Variants in AP3B1 observed in about 807,000 individuals in gnomAD.
AP3B1 encodes the protein adaptor related protein complex 3 subunit beta 1, also known as AP-3 complex subunit beta-1.
AP3B1 carries 61 observed loss-of-function variants against 132.5 expected under a neutral mutation model. The ratio of observed to expected loss-of-function variants is 0.46; its 90% confidence interval spans 0.37 to 0.57. The LOEUF (loss-of-function observed/expected upper bound fraction) is 0.57, where lower values mean the gene tolerates loss of function less well. Among genes scored for constraint, AP3B1 ranks in the 20% least tolerant of loss-of-function variants. The probability of loss-of-function intolerance (pLI) is 0.00; values close to 1 mark genes in which losing one functional copy is unlikely to be tolerated. For synonymous variants in AP3B1, 388 were observed against 438.3 expected (o/e 0.89, Z 1.43); for missense variants, 1,120 against 1,289.4 (o/e 0.87, Z 2.01).
At chr5:78,197,936 C>A (rs921597721) in intron 7 of AP3B1, among the ~76,000 whole-genome samples, 1 of 152,058 alleles carries the variant, frequency 6.6e-6, no homozygotes, top group Non-Finnish European at 1.5e-5. Context: ...TGAGAACCAC[C>A]CCATGTGGTA....
chr5:78,260,436 G>C (rs1244810490), intron 2 of AP3B1, among the ~76,000 whole-genome samples: 1 of 151,828 alleles, frequency 6.6e-6, no homozygotes, highest in African/African-American at 2.4e-5. Context: ...TCGACTAAAA[G>C]TACAAAAATT....
At chr5:78,107,199 G>A (rs931893344) in intron 20 of AP3B1, among the ~76,000 whole-genome samples, 1 of 152,126 alleles carries the variant, frequency 6.6e-6, no homozygotes, top group Admixed American at 6.5e-5. Flanking sequence ...AAAAAAGTAA[G>A]AACAAAAGGG....
intron 22 of AP3B1, among the ~76,000 whole-genome samples, chr5:78,062,973 G>A (rs1468945186): frequency 6.6e-6 from 1 of 152,166 alleles, no homozygotes; most frequent in Non-Finnish European, 1.5e-5. Flanking sequence ...CAATTTCCCT[G>A]AAATGTCTCT....
chr5:78,082,501 CA>C (rs1318000323), intron 22 of AP3B1, among the ~76,000 whole-genome samples: 2 of 151,986 alleles, frequency 1.3e-5, no homozygotes, highest in African/African-American at 2.4e-5. Context: ...ATTTTCATAA[CA>C]AAAAAAGTGT....
At chr5:78,009,587 G>C (rs80130583) in intron 26 of AP3B1, among the ~76,000 whole-genome samples, 5,255 of 152,144 alleles carry the variant, frequency 0.035, 121 homozygotes, top group Non-Finnish European at 0.052. Context: ...TGACTACTTG[G>C]TTGCCAATGG....
At chr5:78,055,701 A>C (rs888471858) in intron 22 of AP3B1, among the ~76,000 whole-genome samples, 10 of 152,154 alleles carry the variant, frequency 6.6e-5, no homozygotes, top group African/African-American at 2.4e-4. Flanking sequence ...ATGCAAGCTC[A>C]TGGGGAGATT....
intron 3 of AP3B1, among the ~76,000 whole-genome samples, chr5:78,234,939 T>A (rs1746807801): frequency 6.6e-6 from 1 of 152,144 alleles, no homozygotes; most frequent in Non-Finnish European, 1.5e-5. Flanking sequence ...GCCTCCAAAG[T>A]CTTTAACTTG....
At chr5:78,080,537 G>A (rs1048457929) in intron 22 of AP3B1, among the ~76,000 whole-genome samples, 3 of 144,500 alleles carry the variant, frequency 2.1e-5, no homozygotes, top group African/African-American at 7.7e-5. Flanking sequence ...TAGCCACATC[G>A]ATTAGTGAGT....
chr5:78,112,544 T>C (rs570618607), intron 19 of AP3B1, among the ~76,000 whole-genome samples: 5 of 152,324 alleles, frequency 3.3e-5, no homozygotes, highest in African/African-American at 1.2e-4. Context: ...TTTCATGCAC[T>C]GAACAAAACT....
chr5:78,135,561 T>C (rs375614564), intron 15 of AP3B1, among the ~76,000 whole-genome samples: 1 of 134,388 alleles, frequency 7.4e-6, no homozygotes, highest in Non-Finnish European at 1.6e-5. Flanking sequence ...AATAAATAAA[T>C]AAATAAAGGC....
Position 78,020,786 on chromosome 5 carries a change from G to A in AP3B1, c.2898C>T (p.Thr966=). The A allele has an allele frequency of 6.2e-7, 1 of 1,609,580 alleles. No individual in the cohort carries two copies. Among genetic ancestry groups the A allele is most frequent in the Non-Finnish European group, 8.5e-7 (1 of 1,177,286 alleles). Residue 966 remains threonine (T), a synonymous_variant, in exon 25 of 27, where the codon ACC becomes ACT. Coordinates refer to ENST00000255194, the MANE Select transcript of AP3B1 (RefSeq NM_003664.5). ...TATTAACATTGAAGCAATCATCCTT[G>A]GTACTGAAGAAAAACAATCAAAGCT... ...STQTASFQLC[T]KDDCFNVNIQ...
Position 78,156,312 on chromosome 5 carries a change from A to T in AP3B1, c.1419T>A (p.Pro473=). The part of the protein sequence containing the change: ...VVIKKLLQMQ[P]AQHGEIIKHM... ...GTTTAATAATTTCACCATGTTGTGC[A>T]GGTTGCATTTGCAGTAATTTCTTTA... The change falls in exon 14 of 27, where the codon CCT becomes CCA. Residue 473 remains proline, a synonymous_variant. Coordinates refer to ENST00000255194, the MANE Select transcript of AP3B1 (RefSeq NM_003664.5). The T allele has an allele frequency of 1.2e-6, 2 of 1,613,864 alleles. No homozygotes were observed. The highest frequency in any genetic ancestry group is 1.1e-5 in the South Asian group (1 of 91,080).
intron 3 of AP3B1, among the ~76,000 whole-genome samples, chr5:78,239,818 GA>G (rs1228886372): frequency 6.7e-6 from 1 of 150,304 alleles, no homozygotes; most frequent in Non-Finnish European, 1.5e-5. Flanking sequence ...ATGATTGGGA[GA>G]TTAAAAATTC....
rs1312354149 is a variant in AP3B1 at position 78,294,463 on chromosome 5, G to A, written c.117C>T (p.Ser39=). The change falls in exon 1 of 27, where the codon AGC becomes AGT. Residue 39 remains serine, a synonymous_variant. Transcript: ENST00000255194. The part of the protein sequence containing the change: ...SPSGAFGLFS[S]DLKKNEDLKQ... ...ACCTTTCTCCTCACTTCTTCAAATC[G>A]CTGCTAAAGAGGCCGAAGGCCCCCG... 17 of 1,614,036 alleles carry A rather than the reference G, an allele frequency of 1.1e-5. No individual in the cohort carries two copies. Among genetic ancestry groups the A allele is most frequent in the Non-Finnish European group, 1.3e-5 (15 of 1,180,040 alleles).
intron 13 of AP3B1, among the ~76,000 whole-genome samples, chr5:78,162,434 T>C (rs1743424677): frequency 6.6e-6 from 1 of 152,188 alleles, no homozygotes; most frequent in African/African-American, 2.4e-5. Context: ...CACTTCTCCA[T>C]GTTATAGTCA....
chr5:78,063,983 T>C (rs530643306), intron 22 of AP3B1, among the ~76,000 whole-genome samples: 5 of 150,934 alleles, frequency 3.3e-5, no homozygotes, highest in Non-Finnish European at 7.4e-5. Flanking sequence ...ATAAGAAAAA[T>C]GGATTTAAGG....
intron 7 of AP3B1, among the ~76,000 whole-genome samples, chr5:78,201,789 C>G (rs1745299402): frequency 6.6e-6 from 1 of 152,132 alleles, no homozygotes; most frequent in Non-Finnish European, 1.5e-5. Flanking sequence ...GGTTTATCTT[C>G]CATCATTTAA....
chr5:78,140,026 A>G (rs1753078529), intron 15 of AP3B1, among the ~76,000 whole-genome samples: 1 of 152,210 alleles, frequency 6.6e-6, no homozygotes, highest in Admixed American at 6.5e-5. Context: ...GACACAGAGC[A>G]TAAAGCTTCC....
chr5:78,275,129 G>A (rs1350059163), intron 1 of AP3B1, among the ~76,000 whole-genome samples: 1 of 152,096 alleles, frequency 6.6e-6, no homozygotes, highest in Non-Finnish European at 1.5e-5. Flanking sequence ...ATAAACAGAT[G>A]GGTGGTTTGC....
Sources: gnomAD v4.1 joint callset for allele counts (sites outside exome capture counted in the v4.1 genomes callset) on GRCh38, gnomAD v4.1.1 for gene constraint, MANE v1.5 for transcripts, NCBI Gene and HGNC (gene_info 2026-07-23, HGNC 2026-07-21) for gene names.